Variants in MYO18B observed in about 807,000 individuals in gnomAD.
MYO18B encodes the protein myosin XVIIIB, also known as unconventional myosin-XVIIIb.
MYO18B carries 204 observed loss-of-function variants against 273.0 expected under a neutral mutation model. The ratio of observed to expected loss-of-function variants is 0.75; its 90% CI spans 0.67 to 0.84. The LOEUF (loss-of-function observed/expected upper bound fraction) is 0.84. MYO18B is among the 40% of genes least tolerant of loss of function. The pLI is 0.00. For synonymous variants in MYO18B, 1,330 were observed against 1,305.7 expected (o/e 1.02, Z -0.40); for missense variants, 3,212 against 3,287.6 (o/e 0.98, Z 0.56).
chr22:25,839,062 GTATATGTATGTA>G (rs2089998455), intron 17 of MYO18B, among the ~76,000 whole-genome samples: 1 of 151,784 alleles, frequency 6.6e-6, no homozygotes, highest in African/African-American at 2.4e-5. Flanking sequence ...GTGCATGTGT[GTATATGTATGTA>G]TATATGTATT....
chr22:26,042,193 A>T, the MYO18B span, among the ~76,000 whole-genome samples: 1 of 152,220 alleles, frequency 6.6e-6, no homozygotes, highest in South Asian at 2.1e-4. Flanking sequence ...GTTCAATGCC[A>T]GCCTTTTCAG....
intron 11 of MYO18B, among the ~76,000 whole-genome samples, chr22:25,790,224 C>T (rs3848860): frequency 0.97 from 148,553 of 152,378 alleles, 72,485 homozygotes; most frequent in Non-Finnish European, 0.99. Context: ...CGTGGTTCAC[C>T]GAACTGCTGT....
intron 39 of MYO18B, among the ~76,000 whole-genome samples, chr22:25,966,646 C>T (rs2331167): frequency 3.3e-5 from 5 of 152,166 alleles, no homozygotes; most frequent in African/African-American, 1.2e-4. Flanking sequence ...ATCCCTACTC[C>T]TAATGGCCTC....
intron 11 of MYO18B, among the ~76,000 whole-genome samples, chr22:25,786,878 A>G (rs2087413252): frequency 2.0e-5 from 3 of 152,254 alleles, no homozygotes; most frequent in Admixed American, 2.0e-4. Context: ...ATGTAAATGG[A>G]TGGCAACTAA....
At chr22:25,841,419 G>A (rs776853007) in intron 17 of MYO18B, among the ~76,000 whole-genome samples, 2 of 152,212 alleles carry the variant, frequency 1.3e-5, no homozygotes, top group African/African-American at 2.4e-5. Flanking sequence ...GAACAAGCAG[G>A]CCTGGAAGCT....
At chr22:25,870,515 G>T (rs11090417) in intron 22 of MYO18B, among the ~76,000 whole-genome samples, 1 of 152,120 alleles carries the variant, frequency 6.6e-6, no homozygotes, top group African/African-American at 2.4e-5. Context: ...ATAATGTTAT[G>T]GGCTCGCTGT....
intron 12 of MYO18B, among the ~76,000 whole-genome samples, chr22:25,818,316 C>T (rs189565727): frequency 7.5e-4 from 114 of 152,258 alleles, no homozygotes; most frequent in African/African-American, 2.5e-3. Context: ...ATCTTGTATC[C>T]CATCTTCCCT....
chr22:25,967,541 T>A (rs1487244195), intron 39 of MYO18B, among the ~76,000 whole-genome samples: 4 of 152,172 alleles, frequency 2.6e-5, no homozygotes, highest in African/African-American at 7.2e-5. Context: ...GGAGAGGGGA[T>A]CTCAGAATAT....
At chr22:25,795,568 G>A (rs960534430) in intron 11 of MYO18B, among the ~76,000 whole-genome samples, 1 of 152,124 alleles carries the variant, frequency 6.6e-6, no homozygotes, top group African/African-American at 2.4e-5. Flanking sequence ...TCCTTTTGGC[G>A]CCCTTTTTCT....
chr22:26,050,646 G>A, the MYO18B span, among the ~76,000 whole-genome samples: 3 of 152,142 alleles, frequency 2.0e-5, no homozygotes, highest in Admixed American at 6.5e-5. Flanking sequence ...GCTCTGCTAC[G>A]TCCCGGTTCT....
At chr22:26,046,697 A>G in the MYO18B span, among the ~76,000 whole-genome samples, 1 of 152,202 alleles carries the variant, frequency 6.6e-6, no homozygotes, top group Non-Finnish European at 1.5e-5. Flanking sequence ...TTTTGTTAAA[A>G]ATGAAGTCCA....
chr22:25,933,415 G>C (rs892127501), intron 34 of MYO18B, among the ~76,000 whole-genome samples: 3 of 152,170 alleles, frequency 2.0e-5, no homozygotes, highest in African/African-American at 7.2e-5. Context: ...CAGAAAGGGT[G>C]ATGAACCAAA....
chr22:25,823,511 G>A lies in MYO18B; in HGVS notation c.2528G>A (p.Arg843Gln), dbSNP rs745349928. The A allele has an allele frequency of 2.2e-5, 36 of 1,613,732 alleles. No homozygotes were observed. The highest frequency in any genetic ancestry group is 1.6e-4 in the Middle Eastern group (1 of 6,084). ...LGAAGACKVG[R>Q]KQFMRFEWAN... Reference sequence around the variant, plus strand: ...TGTTTTGTCCCCTTTGCAGTGGGTCGGAAGCAGTTCATGAGGTTTGAGTGG... The same window carrying A: ...TGTTTTGTCCCCTTTGCAGTGGGTCAGAAGCAGTTCATGAGGTTTGAGTGG... Residue 843 changes from arginine (R) to glutamine (Q), a missense_variant, in exon 13 of 44, where the codon CGG becomes CAG. Coordinates refer to ENST00000335473, the MANE Select transcript of MYO18B (RefSeq NM_032608.7).
At chr22:26,031,987 A>C (rs1936678326), downstream of MYO18B, among the ~76,000 whole-genome samples, 1 of 152,228 alleles carries the variant, frequency 6.6e-6, no homozygotes, top group South Asian at 2.1e-4. Context: ...CCTGGCAAAG[A>C]GGAGGCACCA....
At chr22:26,009,255 C>T (rs2146938906) in intron 42 of MYO18B, among the ~76,000 whole-genome samples, 1 of 152,312 alleles carries the variant, frequency 6.6e-6, no homozygotes, top group African/African-American at 2.4e-5. Context: ...TCCAGTCCTG[C>T]CCTGTCTGAA....
chr22:25,917,545 G>GGGGGGTGTGT (rs1555944183), intron 33 of MYO18B, among the ~76,000 whole-genome samples: 11 of 142,246 alleles, frequency 7.7e-5, no homozygotes, highest in South Asian at 4.7e-4. Flanking sequence ...GCTTTGTAGG[G>GGGGGGTGTGT]GTGTGTGTGT....
chr22:25,799,903 A>G (rs530951792), intron 12 of MYO18B, among the ~76,000 whole-genome samples: 6 of 152,330 alleles, frequency 3.9e-5, no homozygotes, highest in South Asian at 2.1e-4. Context: ...GACATTCACA[A>G]TGGCAAAGAT....
In MYO18B at chr22:25,847,587, T is replaced by TC; in HGVS notation, c.3713dup (p.Ala1239SerfsTer19). On this transcript the variant is annotated frameshift_variant, in exon 20 of 44. Transcript: ENST00000335473. LOFTEE classifies it high-confidence loss of function. ...GCAGGTGGACCTCTGGCCCTGGATA[T>TC]CCCAGCACTGAGGGTCCAGCTTGCT... The TC allele has an allele frequency of 6.4e-7, 1 of 1,566,616 alleles. No homozygotes were observed. Among genetic ancestry groups the TC allele is most frequent in the Non-Finnish European group, 8.7e-7 (1 of 1,155,714 alleles).
At chr22:25,974,919 C>A (rs986001348) in intron 39 of MYO18B, among the ~76,000 whole-genome samples, 1 of 152,196 alleles carries the variant, frequency 6.6e-6, no homozygotes, top group Admixed American at 6.5e-5. Context: ...ACTTTGGAGG[C>A]TGTGACCAAA....
Sources: gnomAD v4.1 joint callset for allele counts (sites outside exome capture counted in the v4.1 genomes callset) on GRCh38, gnomAD v4.1.1 for gene constraint, MANE v1.5 for transcripts, NCBI Gene and HGNC (gene_info 2026-07-23, HGNC 2026-07-21) for gene names.